DKK3: variants seen among roughly 807,000 people sequenced by gnomAD.
DKK3 encodes the protein dickkopf-related protein 3.
In DKK3, 22 loss-of-function variants were observed where a neutral mutation model predicts 33.2. That is an observed-to-expected ratio of 0.66 (90% confidence interval 0.47 to 0.95). The LOEUF (loss-of-function observed/expected upper bound fraction) is 0.95. DKK3 is among the 40% of genes least tolerant of loss of function. The probability of loss-of-function intolerance (pLI) is 0.00; values close to 1 mark genes in which losing one functional copy is unlikely to be tolerated. For missense variants in DKK3, 398 were observed against 458.4 expected (o/e 0.87, Z 1.20); for synonymous variants, 194 against 188.8 (o/e 1.03, Z -0.23).
At chr11:11,993,537 T>C (rs935704194) in intron 3 of DKK3, among the ~76,000 whole-genome samples, 1 of 152,152 alleles carries the variant, frequency 6.6e-6, no homozygotes, top group African/African-American at 2.4e-5. Context: ...ATATACCAGG[T>C]AGCAGCACAA....
At chr11:12,004,495 GC>G (rs1299099288) in intron 1 of DKK3, among the ~76,000 whole-genome samples, 1 of 152,220 alleles carries the variant, frequency 6.6e-6, no homozygotes, top group African/African-American at 2.4e-5. Context: ...CTGAGAGATG[GC>G]CACTGGATGA....
intron 3 of DKK3, among the ~76,000 whole-genome samples, chr11:11,985,380 G>T (rs571451747): frequency 6.6e-6 from 1 of 152,326 alleles, no homozygotes; most frequent in Admixed American, 6.5e-5. Flanking sequence ...GGCAAGCCTG[G>T]GTAAGTCATT....
In DKK3 at chr11:11,966,915, G is replaced by A. The variant is rs12574003; in HGVS notation, c.673+39C>T. 2.5e-6 allele frequency: 4 copies of A among 1,607,116 alleles called. No individual in the cohort carries two copies. In the East Asian group the frequency reaches 6.7e-5, roughly 27 times the overall value. On this transcript the variant is annotated intron_variant, in intron 5 of 6. Coordinates refer to ENST00000683431, the MANE Select transcript of DKK3 (RefSeq NM_001018057.2). ...AGGAGGTCCAGTGTGGTGGAGCTTG[G>A]GACAGGGTTTTTCCTGCATCTGAGG...
intron 3 of DKK3, among the ~76,000 whole-genome samples, chr11:11,991,957 C>T (rs1342204386): frequency 6.6e-6 from 1 of 152,172 alleles, no homozygotes; most frequent in Non-Finnish European, 1.5e-5. Flanking sequence ...CAAAATTATG[C>T]ATCCATATTG....
intron 3 of DKK3, among the ~76,000 whole-genome samples, chr11:11,981,944 A>T (rs1182494354): frequency 6.6e-6 from 1 of 152,008 alleles, no homozygotes; most frequent in African/African-American, 2.4e-5. Context: ...AGGACTTTTC[A>T]TAAGATATCT....
chr11:11,992,598 C>A (rs1848209916), intron 3 of DKK3, among the ~76,000 whole-genome samples: 1 of 152,202 alleles, frequency 6.6e-6, no homozygotes, highest in Admixed American at 6.5e-5. Context: ...ATGGTATTTG[C>A]TCTTGGTATT....
chr11:11,998,330 C>T, intron 3 of DKK3: 1 of 339,910 alleles, frequency 2.9e-6, no homozygotes, highest in Non-Finnish European at 5.4e-6. Flanking sequence ...GGTGGGATTA[C>T]AAAAGGGGTA....
chr11:11,967,227 G>GACC, intron 4 of DKK3, 129 bp from the exon 5 acceptor site: 1 of 1,190,782 alleles, frequency 8.4e-7, no homozygotes. Flanking sequence ...AGACCAGGCT[G>GACC]AGATTTCAGT....
chr11:11,969,760 C>CT (rs1847684332), intron 3 of DKK3, among the ~76,000 whole-genome samples: 1 of 152,206 alleles, frequency 6.6e-6, no homozygotes, highest in Non-Finnish European at 1.5e-5. Flanking sequence ...CTCCAGTCCC[C>CT]TTCCAGGGGC....
At chr11:11,968,321 C>A in intron 4 of DKK3, 74 bp downstream of exon 4, 1 of 1,446,412 alleles carries the variant, frequency 6.9e-7, no homozygotes, top group Non-Finnish European at 9.4e-7. Flanking sequence ...GCTGAGAACG[C>A]TGGGGCCCCT....
chr11:11,986,066 GCATGAGAA>G (rs1464432780), intron 3 of DKK3, among the ~76,000 whole-genome samples: 1 of 152,144 alleles, frequency 6.6e-6, no homozygotes, highest in Non-Finnish European at 1.5e-5. Context: ...TGCTTGCCAG[GCATGAGAA>G]GGATGGAATC....
intron 2 of DKK3, chr11:12,001,854 G>T (rs926186256): frequency 5.9e-5 from 9 of 152,918 alleles, no homozygotes; most frequent in African/African-American, 1.7e-4. Flanking sequence ...TGGAAATGGG[G>T]TATATCATAT....
intron 3 of DKK3, among the ~76,000 whole-genome samples, chr11:11,983,799 C>T (rs1848006869): frequency 6.6e-6 from 1 of 152,206 alleles, no homozygotes; most frequent in Admixed American, 6.5e-5. Context: ...GAGCCCAGGC[C>T]CAGCATTTTC....
At chr11:12,007,586 G>A (rs1848563435) in intron 1 of DKK3, among the ~76,000 whole-genome samples, 1 of 152,232 alleles carries the variant, frequency 6.6e-6, no homozygotes, top group Non-Finnish European at 1.5e-5. Flanking sequence ...GCAAAGCTTT[G>A]CTAAGGTACG....
chr11:12,009,055 A>G (rs1464485803), upstream of DKK3: 2 of 985,506 alleles, frequency 2.0e-6, no homozygotes, highest in Non-Finnish European at 2.4e-6. Flanking sequence ...TGGACCAAGC[A>G]CAGGTCAGCC....
chr11:11,986,200 C>T (rs560359602), intron 3 of DKK3, among the ~76,000 whole-genome samples: 3 of 152,274 alleles, frequency 2.0e-5, no homozygotes, highest in African/African-American at 7.2e-5. Flanking sequence ...TTGTTCCTGC[C>T]TCCTTTCTGG....
chr11:11,980,050 C>T (rs1419998511), intron 3 of DKK3: 1 of 152,304 alleles, frequency 6.6e-6, no homozygotes, highest in Non-Finnish European at 1.5e-5. Flanking sequence ...TGTGGCAGCT[C>T]TCTGCTCTGA....
rs1353294673 is a variant in DKK3, at chr11:11,967,024, C to T, written c.603G>A (p.Arg201=). 2.5e-6 allele frequency: 4 copies of T among 1,614,026 alleles called. No homozygotes were observed. Among genetic ancestry groups the T allele is most frequent in the Non-Finnish European group, 2.5e-6 (3 of 1,180,032 alleles). The stretch of plus-strand genomic sequence containing the variant: ...TGTCACAGATGGTCCCATTGCTGCC[C>T]CTGGTGGCCATTTTGGTGCAGTGAC... ...VWGHCTKMAT[R]GSNGTICDNQ... is the part of the protein sequence containing the mutation. The change falls in exon 5 of 7, where the codon AGG becomes AGA. Residue 201 remains arginine (R), a synonymous_variant. Coordinates refer to ENST00000683431, the MANE Select transcript of DKK3 (RefSeq NM_001018057.2).
intron 3 of DKK3, among the ~76,000 whole-genome samples, chr11:11,991,329 G>A (rs541996587): frequency 6.6e-6 from 1 of 152,202 alleles, no homozygotes; most frequent in Non-Finnish European, 1.5e-5. Context: ...TCTAGTGTTG[G>A]AGGTGGGACC....
Sources: allele counts gnomAD v4.1 joint callset (sites outside exome capture counted in the v4.1 genomes callset), GRCh38; gene constraint gnomAD v4.1.1; transcripts MANE v1.5; gene names NCBI Gene and HGNC (gene_info 2026-07-23, HGNC 2026-07-21).